The following IL1RAPL2 variants were observed in gnomAD, a reference collection of about 807,000 sequenced individuals.
IL1RAPL2 encodes X-linked interleukin-1 receptor accessory protein-like 2.
IL1RAPL2 carries 3 observed loss-of-function variants against 44.1 expected under a neutral mutation model. The observed-to-expected ratio is 0.07, with a 90% CI of 0.03 to 0.18. The LOEUF is 0.18. Among genes scored for constraint, IL1RAPL2 ranks in the 10% least tolerant of loss-of-function variants. The pLI, the probability that IL1RAPL2 is intolerant of heterozygous loss-of-function variation, is 1.00. For missense variants in IL1RAPL2, 391 were observed against 496.4 expected, an observed-to-expected ratio of 0.79 and a Z score of 2.02; for synonymous variants, 181 against 178.8, an observed-to-expected ratio of 1.01 and a Z score of -0.10.
intron 2 of IL1RAPL2, among the ~76,000 whole-genome samples, chrX:105,037,131 A>G (rs2031643832): frequency 8.9e-6 from 1 of 111,777 alleles, no homozygotes; most frequent in Non-Finnish European, 1.9e-5. Flanking sequence ...AGGATCAAAT[A>G]AAAGTGTTGT....
chrX:105,697,588 A>G (rs2038087359), intron 6 of IL1RAPL2, among the ~76,000 whole-genome samples: 1 of 110,660 alleles, frequency 9.0e-6, no homozygotes, highest in Non-Finnish European at 1.9e-5. Flanking sequence ...AAAGAATATC[A>G]AGACAGGAAG....
chrX:105,334,542 G>A (rs755391762), intron 5 of IL1RAPL2, among the ~76,000 whole-genome samples: 22 of 111,664 alleles, frequency 2.0e-4, no homozygotes, highest in African/African-American at 6.8e-4. Flanking sequence ...AAAGATAAAC[G>A]CTTGAAAGGA....
At chrX:104,892,426 G>T (rs763469074) in intron 2 of IL1RAPL2, among the ~76,000 whole-genome samples, 1 of 111,290 alleles carries the variant, frequency 9.0e-6, no homozygotes, top group Non-Finnish European at 1.9e-5. Flanking sequence ...GTCTGCTCCT[G>T]GACTTTTTTT....
At chrX:104,905,015 T>A (rs112555220) in intron 2 of IL1RAPL2, among the ~76,000 whole-genome samples, 13,088 of 110,298 alleles carry the variant, frequency 0.12, 758 homozygotes, top group Non-Finnish European at 0.17. Context: ...TGAGATGGTA[T>A]CTCATTGTGG....
chrX:105,301,142 A>G (rs916482202), intron 5 of IL1RAPL2, among the ~76,000 whole-genome samples: 2 of 112,052 alleles, frequency 1.8e-5, no homozygotes, highest in Non-Finnish European at 3.8e-5. Context: ...TACCAAATAA[A>G]AATCAGTAGG....
intron 6 of IL1RAPL2, among the ~76,000 whole-genome samples, chrX:105,500,346 A>AG (rs1389356682): frequency 3.7e-5 from 4 of 108,637 alleles, no homozygotes; most frequent in African/African-American, 1.4e-4. Context: ...ACTACAATGA[A>AG]AAAAAAAAAC....
intron 2 of IL1RAPL2, among the ~76,000 whole-genome samples, chrX:104,768,001 TA>T (rs1449297989): frequency 8.9e-6 from 1 of 112,257 alleles, no homozygotes; most frequent in African/African-American, 3.2e-5. Context: ...TTAATTGACA[TA>T]AAATTGTATT....
At position 104,572,346 on chromosome X, in the gene IL1RAPL2, A is replaced by G. The variant is rs1204619278; in HGVS notation, c.-20+5295A>G. On this transcript the variant is annotated intron_variant, in intron 1 of 10. Transcript: ENST00000372582. ...AGCCTCAGTGTACCTAGTAAGCCAT[A>G]TTTCTTACTACCTTCCTGTTCACAT... is the stretch of plus-strand genomic sequence containing the variant. 2.7e-5 allele frequency among the ~76,000 whole-genome samples: 3 copies of G among 111,617 alleles called. No homozygotes were observed. The Admixed American group carries it at 2.9e-4, about 11-fold the overall frequency.
intron 5 of IL1RAPL2, among the ~76,000 whole-genome samples, chrX:105,408,072 G>A: frequency 8.9e-6 from 1 of 111,750 alleles, no homozygotes; most frequent in Non-Finnish European, 1.9e-5. Context: ...CTGCTAAAAG[G>A]CAATGTAATA....
At chrX:105,212,665 C>G (rs1184635906) in intron 3 of IL1RAPL2, among the ~76,000 whole-genome samples, 2 of 112,080 alleles carry the variant, frequency 1.8e-5, no homozygotes, top group African/African-American at 3.2e-5. Flanking sequence ...GTCCCGGACC[C>G]CCATGCCTTC....
intron 2 of IL1RAPL2, among the ~76,000 whole-genome samples, chrX:105,070,670 G>C (rs1340901694): frequency 9.2e-6 from 1 of 109,021 alleles, no homozygotes; most frequent in Non-Finnish European, 1.9e-5. Context: ...CTCCAGCCTG[G>C]GCAACAGAGT....
chrX:104,916,778 A>G (rs879236283), intron 2 of IL1RAPL2, among the ~76,000 whole-genome samples: 2 of 111,041 alleles, frequency 1.8e-5, no homozygotes, highest in East Asian at 5.6e-4. Flanking sequence ...TTTAGCATGA[A>G]GGGTTGTTGA....
At chrX:104,869,862 G>A (rs1922715781) in intron 2 of IL1RAPL2, among the ~76,000 whole-genome samples, 1 of 111,773 alleles carries the variant, frequency 8.9e-6, no homozygotes, top group Non-Finnish European at 1.9e-5. Context: ...TTCTTCTTTA[G>A]GATCTTTTCA....
chrX:104,661,224 C>T (rs1930395728), intron 2 of IL1RAPL2, among the ~76,000 whole-genome samples: 2 of 111,289 alleles, frequency 1.8e-5, no homozygotes, highest in Non-Finnish European at 3.8e-5. Flanking sequence ...TTCTCCTTCC[C>T]TTTATGCTGC....
At chrX:105,311,611 TACAC>T (rs369751919) in intron 5 of IL1RAPL2, among the ~76,000 whole-genome samples, 52 of 92,551 alleles carry the variant, frequency 5.6e-4, no homozygotes, top group Non-Finnish European at 9.7e-4. Context: ...TATACATACA[TACAC>T]ACACACACAC....
chrX:105,143,726 C>T (rs1241570306), intron 2 of IL1RAPL2, among the ~76,000 whole-genome samples: 1 of 111,631 alleles, frequency 9.0e-6, no homozygotes, highest in Non-Finnish European at 1.9e-5. Flanking sequence ...TATTTTCTCA[C>T]AGAGACACTT....
At chrX:105,165,678 T>A (rs1880859133) in intron 2 of IL1RAPL2, among the ~76,000 whole-genome samples, 1 of 112,188 alleles carries the variant, frequency 8.9e-6, no homozygotes, top group Non-Finnish European at 1.9e-5. Context: ...ACTGGTATCT[T>A]CTAACATTTA....
chrX:105,006,532 G>T (rs983276928), intron 2 of IL1RAPL2, among the ~76,000 whole-genome samples: 2 of 110,725 alleles, frequency 1.8e-5, no homozygotes, highest in East Asian at 2.9e-4. Flanking sequence ...ACTTTCTCAG[G>T]ATATTCATTT....
intron 2 of IL1RAPL2, among the ~76,000 whole-genome samples, chrX:104,721,680 T>TA (rs1296333316): frequency 9.0e-6 from 1 of 110,751 alleles, no homozygotes; most frequent in African/African-American, 3.3e-5. Flanking sequence ...ACCCAGAACT[T>TA]AAAATAAAAA....
Sources: gnomAD v4.1 joint callset for allele counts (sites outside exome capture counted in the v4.1 genomes callset) on GRCh38, gnomAD v4.1.1 for gene constraint, MANE v1.5 for transcripts, NCBI Gene and HGNC (gene_info 2026-07-23, HGNC 2026-07-21) for gene names.